MMAA: variants seen among roughly 807,000 people sequenced by gnomAD.
The protein encoded by MMAA is methylmalonic aciduria type A protein, mitochondrial.
A neutral mutation model predicts 45.0 loss-of-function variants in MMAA; 41 were observed. That is an observed-to-expected ratio of 0.91 (90% CI 0.71 to 1.18). The LOEUF is 1.18. Ranked by LOEUF, MMAA falls within the 50% of genes most tolerant of loss-of-function variation. The probability of loss-of-function intolerance (pLI) is 0.00; values close to 1 mark genes in which losing one functional copy is unlikely to be tolerated. For missense variants in MMAA, 460 were observed against 495.7 expected (o/e 0.93, Z 0.68); for synonymous variants, 154 against 178.2 (o/e 0.86, Z 1.08).
chr4:145,657,215 A>C lies in MMAA; in HGVS notation c.*1781A>C, dbSNP rs963695715. On this transcript the variant is annotated 3_prime_UTR_variant, in exon 7 of 7. Transcript: ENST00000649156. ...TTCTTCTCAGTTTGAACTACTTTTA[A>C]ATGTTATAAATGTCATCATAAAAAT... 3.9e-5 allele frequency: 6 copies of C among 152,166 alleles called. No homozygotes were observed. The highest frequency in any genetic ancestry group is 9.7e-5 in the African/African-American group (4 of 41,440). The allele number at this position is 152,166 out of a possible 1,614,324, so 9.4% of individuals were successfully genotyped here.
chr4:145,651,564 G>T (rs1300632240), intron 5 of MMAA, among the ~76,000 whole-genome samples: 1 of 152,288 alleles, frequency 6.6e-6, no homozygotes, highest in Non-Finnish European at 1.5e-5. Flanking sequence ...CCTAAAGTTA[G>T]TGCAGACTTT....
chr4:145,650,926 A>T (rs1444794549), intron 4 of MMAA, 136 bp from the exon 5 acceptor site: 1 of 769,022 alleles, frequency 1.3e-6, no homozygotes, highest in Non-Finnish European at 2.3e-6. Context: ...CAGAAGTGAG[A>T]TGTTTAAAGG....
In MMAA at chr4:145,639,090, A is replaced by G; in HGVS notation, c.-50A>G. 2 of 1,583,314 alleles carry G rather than the reference A, an allele frequency of 1.3e-6. No homozygotes were observed. Among genetic ancestry groups the G allele is most frequent in the Non-Finnish European group, 8.7e-7 (1 of 1,152,040 alleles). On this transcript the variant is annotated 5_prime_UTR_variant, in exon 2 of 7. Coordinates refer to ENST00000649156, the MANE Select transcript of MMAA (RefSeq NM_172250.3). ...TTTCTTCTAGGGAGGTCACAATCAC[A>G]TTGAGCCAAAACGCATCCAGTGTTT...
chr4:145,626,398 G>A (rs1255771243), intron 1 of MMAA, among the ~76,000 whole-genome samples: 1 of 152,106 alleles, frequency 6.6e-6, no homozygotes, highest in East Asian at 1.9e-4. Flanking sequence ...AATATGTTAT[G>A]AACTTAGTTA....
chr4:145,647,655 G>C (rs1258204493), intron 4 of MMAA, among the ~76,000 whole-genome samples: 1 of 152,070 alleles, frequency 6.6e-6, no homozygotes, highest in East Asian at 1.9e-4. Flanking sequence ...CTGCCTTCTT[G>C]CTGCATCTTC....
At chr4:145,652,875 C>CT (rs967971102) in intron 5 of MMAA, among the ~76,000 whole-genome samples, 15 of 147,866 alleles carry the variant, frequency 1.0e-4, no homozygotes, top group African/African-American at 9.9e-5. Flanking sequence ...AAATTTTTTC[C>CT]TTTTTTTTTT....
intron 4 of MMAA, among the ~76,000 whole-genome samples, chr4:145,649,977 C>T (rs1728045227): frequency 6.6e-6 from 1 of 152,146 alleles, no homozygotes; most frequent in South Asian, 2.1e-4. Context: ...GGTCTCACTA[C>T]ATCACCCGGG....
At chr4:145,624,337 C>T in intron 1 of MMAA, 1 of 788,208 alleles carries the variant, frequency 1.3e-6, no homozygotes, top group African/African-American at 1.7e-5. Flanking sequence ...CACTTGTCTT[C>T]TCCAGAGGAT....
chr4:145,640,371 C>T (rs1727750383), intron 2 of MMAA, among the ~76,000 whole-genome samples: 1 of 152,012 alleles, frequency 6.6e-6, no homozygotes, highest in Non-Finnish European at 1.5e-5. Context: ...TCTTGGCCTC[C>T]CAAAGTGCTG....
intron 4 of MMAA, chr4:145,646,361 A>T (rs1358735654): frequency 7.0e-6 from 4 of 571,136 alleles, no homozygotes; most frequent in Non-Finnish European, 9.1e-6. Flanking sequence ...AAAATAAGCC[A>T]TCTATCTGGA....
At chr4:145,630,450 C>T (rs759610290) in intron 1 of MMAA, among the ~76,000 whole-genome samples, 91 of 151,936 alleles carry the variant, frequency 6.0e-4, no homozygotes, top group Non-Finnish European at 1.0e-3. Context: ...TTGTTTAGGC[C>T]GGGTGCGGTG....
In MMAA at chr4:145,645,986, G is replaced by T; in HGVS notation, c.563G>T (p.Gly188Val). 4 of 1,613,800 alleles carry T rather than the reference G, an allele frequency of 2.5e-6. No homozygotes were observed. Among genetic ancestry groups the T allele is most frequent in the Non-Finnish European group, 3.4e-6 (4 of 1,179,800 alleles). The change falls in exon 4 of 7, where the codon GGA (glycine) becomes GTA (valine). Residue 188 changes from glycine to valine, a missense_variant and splice_region_variant. By Grantham distance (109) the Gly-to-Val change is moderately radical (BLOSUM62 -3). Transcript: ENST00000649156. Reference sequence around the variant, plus strand: ...TATAAAATGTAACTGTATGTTTTAGGATCACTCTTAGGTGATAAAACCCGA... The same window carrying T: ...TATAAAATGTAACTGTATGTTTTAGTATCACTCTTAGGTGATAAAACCCGA... ...AVDPSSCTSG[G>V]SLLGDKTRMT...
chr4:145,642,085 A>G (rs1260082140), intron 2 of MMAA, among the ~76,000 whole-genome samples: 1 of 152,204 alleles, frequency 6.6e-6, no homozygotes, highest in Non-Finnish European at 1.5e-5. Flanking sequence ...GTCCAGAAAG[A>G]TCTACTTTAT....
intron 1 of MMAA, among the ~76,000 whole-genome samples, chr4:145,626,859 A>C (rs1158316773): frequency 1.3e-5 from 2 of 152,190 alleles, no homozygotes; most frequent in Non-Finnish European, 2.9e-5. Context: ...GATGCTCCAA[A>C]GAGTTGGGGG....
At chr4:145,637,165 T>C (rs1293318152) in intron 1 of MMAA, among the ~76,000 whole-genome samples, 1 of 152,198 alleles carries the variant, frequency 6.6e-6, no homozygotes, top group Non-Finnish European at 1.5e-5. Context: ...AGTATGTTCT[T>C]AGAAAATAGT....
In MMAA at chr4:145,659,482, G is replaced by A. The variant is rs1023804882; in HGVS notation, c.*4048G>A. 1 of 152,152 alleles carries A rather than the reference G, an allele frequency of 6.6e-6. No individual in the cohort carries two copies. The highest frequency in any genetic ancestry group is 2.4e-5 in the African/African-American group (1 of 41,434). 9.4% of individuals were successfully genotyped at this position (152,152 alleles called of 1,614,324 possible). A position where few individuals can be genotyped will look rare whatever the true frequency, so the allele number is the denominator to read the frequency against. ...TTAGACCCCTCAGCTTCTTGATAGAGTGAGGTGAGGGCATATGTAAGTCAG... is the reference window on the plus strand; with the variant it reads ...TTAGACCCCTCAGCTTCTTGATAGAATGAGGTGAGGGCATATGTAAGTCAG... On this transcript the variant is annotated 3_prime_UTR_variant, in exon 7 of 7. Coordinates refer to ENST00000649156, the MANE Select transcript of MMAA (RefSeq NM_172250.3).
intron 1 of MMAA, chr4:145,625,804 A>G (rs1734192341): frequency 8.7e-7 from 1 of 1,151,030 alleles, no homozygotes. Flanking sequence ...TTAAGCTGAT[A>G]GATGAGGTCC....
At chr4:145,622,360 G>A (rs1244316133) in intron 1 of MMAA, among the ~76,000 whole-genome samples, 1 of 152,132 alleles carries the variant, frequency 6.6e-6, no homozygotes, top group Non-Finnish European at 1.5e-5. Context: ...AGAACTGTAA[G>A]TCCATTAAAC....
chr4:145,644,700 T>C (rs1727878754), intron 3 of MMAA, among the ~76,000 whole-genome samples: 1 of 152,228 alleles, frequency 6.6e-6, no homozygotes, highest in Non-Finnish European at 1.5e-5. Context: ...CTTAACACTT[T>C]GTTAAGCATT....
Sources: allele counts gnomAD v4.1 joint callset (sites outside exome capture counted in the v4.1 genomes callset), GRCh38; gene constraint gnomAD v4.1.1; transcripts MANE v1.5; gene names NCBI Gene and HGNC (gene_info 2026-07-23, HGNC 2026-07-21).